SPAST: variants seen among roughly 807,000 people sequenced by gnomAD.
The protein encoded by SPAST is spastin, also known as spastic paraplegia 4 (autosomal dominant; spastin).
SPAST carries 30 observed loss-of-function variants against 76.6 expected under a neutral mutation model. The observed-to-expected ratio is 0.39, with a 90% CI of 0.29 to 0.53. The LOEUF (loss-of-function observed/expected upper bound fraction) is 0.53, where lower values mean the gene tolerates loss of function less well. Ranked by LOEUF, SPAST falls within the 20% of genes least tolerant of loss-of-function variation. The pLI is 0.68. For missense variants in SPAST, 717 were observed against 770.5 expected (o/e 0.93, Z 0.82); for synonymous variants, 305 against 281.0 (o/e 1.09, Z -0.86).
Position 32,148,680 on chromosome 2 carries a change from G to A in SPAST, c.1728+1422G>A, listed in dbSNP as rs901866331. Among the ~76,000 whole-genome samples, 40 of 152,126 alleles carry A rather than the reference G, an allele frequency of 2.6e-4. No homozygotes were observed. In the East Asian group the frequency reaches 6.2e-3, roughly 24 times the overall value. ...AAAAAAATTACCGGGGCGTGGTGGCGGGCACCTGTAGTCCCAGCTACTTGG... is the reference window on the plus strand; with the variant it reads ...AAAAAAATTACCGGGGCGTGGTGGCAGGCACCTGTAGTCCCAGCTACTTGG... On this transcript the variant is annotated intron_variant, in intron 16 of 16. Transcript: ENST00000315285.
chr2:32,100,180 T>C (rs1231300004), intron 4 of SPAST, among the ~76,000 whole-genome samples: 1 of 152,144 alleles, frequency 6.6e-6, no homozygotes, highest in Admixed American at 6.6e-5. Context: ...TTGGTACTTT[T>C]TTTGTCTTTT....
intron 1 of SPAST, among the ~76,000 whole-genome samples, chr2:32,086,846 A>C (rs1024735177): frequency 6.6e-6 from 1 of 152,220 alleles, no homozygotes; most frequent in African/African-American, 2.4e-5. Flanking sequence ...ATTAATTTTC[A>C]AATATGTGAT....
intron 4 of SPAST, among the ~76,000 whole-genome samples, chr2:32,108,683 T>C (rs1467630806): frequency 6.8e-6 from 1 of 147,758 alleles, no homozygotes; most frequent in Admixed American, 6.7e-5. Flanking sequence ...ACTCCTGGGC[T>C]CAATCATTTC....
At chr2:32,075,940 G>C (rs1229001432) in intron 1 of SPAST, among the ~76,000 whole-genome samples, 1 of 117,368 alleles carries the variant, frequency 8.5e-6, no homozygotes, top group Admixed American at 1.1e-4. Flanking sequence ...TCGCTCTGTC[G>C]CCCAGGCTGA....
intron 3 of SPAST, among the ~76,000 whole-genome samples, chr2:32,091,983 C>T (rs943473559): frequency 2.0e-4 from 30 of 152,074 alleles, no homozygotes; most frequent in Middle Eastern, 3.4e-3. Context: ...GAACCTAAAC[C>T]ATAGTAGTAA....
chr2:32,063,923 C>T lies in SPAST; in HGVS notation c.92C>T (p.Pro31Leu). The T allele has an allele frequency of 6.3e-7, 1 of 1,591,650 alleles. No homozygotes were observed. Among genetic ancestry groups the T allele is most frequent in the Admixed American group, 1.8e-5 (1 of 56,968 alleles). ...AGGCCTCCGCCCCCTTGCCTGGCCC[C>T]CGCCCCTCCCGCCGCCGGGCCGGCC... is the stretch of plus-strand genomic sequence containing the variant. ...PPRPPPPCLA[P>L]APPAAGPAPP... Residue 31 changes from proline to leucine, a missense_variant, in exon 1 of 17, where the codon CCC (proline) becomes CTC (leucine). Physicochemically the swap from Pro to Leu is moderately conservative, Grantham distance 98 (BLOSUM62 -3). This residue lies in a region of SPAST where 543 missense variants were observed against 445.2 expected (regional missense o/e 1.22). Transcript: ENST00000315285.
intron 16 of SPAST, among the ~76,000 whole-genome samples, chr2:32,149,638 T>C (rs1223692050): frequency 1.3e-5 from 2 of 152,190 alleles, no homozygotes; most frequent in Non-Finnish European, 2.9e-5. Context: ...GTGTTGAACA[T>C]GTACAGACTT....
intron 4 of SPAST, among the ~76,000 whole-genome samples, chr2:32,107,691 C>G (rs1197863176): frequency 1.3e-5 from 2 of 152,094 alleles, no homozygotes; most frequent in African/African-American, 4.8e-5. Context: ...AATGTAAAAA[C>G]CCTAAGCAGT....
chr2:32,143,565 TC>T (rs1328279959), intron 14 of SPAST, 150 bp downstream of exon 14: 3 of 633,130 alleles, frequency 4.7e-6, no homozygotes, highest in Non-Finnish European at 8.5e-6. Flanking sequence ...TTTGCCTTTT[TC>T]TTACCTCTTG....
At position 32,145,020 on chromosome 2, in the gene SPAST, G is replaced by A. The variant is rs1435525352; in HGVS notation, c.1687+13G>A. ...GGTCCTATCCGAGGTAGGTATACAA[G>A]AGCTTAAAACATTTAGAACTATTTA... On this transcript the variant is annotated intron_variant, in intron 15 of 16. Transcript: ENST00000315285. 6.3e-7 allele frequency: 1 copy of A among 1,596,320 alleles called. No individual in the cohort carries two copies. The highest frequency in any genetic ancestry group is 8.6e-7 in the Non-Finnish European group (1 of 1,165,094).
intron 11 of SPAST, 52 bp from the exon 12 acceptor site, chr2:32,137,057 A>T: frequency 6.4e-7 from 1 of 1,558,060 alleles, no homozygotes; most frequent in Non-Finnish European, 8.8e-7. Context: ...AAATATCTTT[A>T]TATTTGTTAT....
intron 7 of SPAST, among the ~76,000 whole-genome samples, chr2:32,117,177 C>T (rs987510377): frequency 9.2e-5 from 14 of 151,938 alleles, no homozygotes; most frequent in African/African-American, 3.1e-4. Context: ...CGCTTGAACC[C>T]GGGAGGCGGA....
At chr2:32,126,094 C>T (rs148498814) in intron 7 of SPAST, among the ~76,000 whole-genome samples, 7 of 152,280 alleles carry the variant, frequency 4.6e-5, no homozygotes, top group South Asian at 2.1e-4. Context: ...TGTAAGCCAC[C>T]GTGCCCGGCC....
intron 1 of SPAST, among the ~76,000 whole-genome samples, chr2:32,064,752 C>T (rs530390509): frequency 6.6e-6 from 1 of 152,308 alleles, no homozygotes; most frequent in Non-Finnish European, 1.5e-5. Flanking sequence ...GTTGAATTTG[C>T]ATCATTTTAA....
At position 32,149,972 on chromosome 2, in the gene SPAST, AGTTT is replaced by A. The variant is rs371485781; in HGVS notation, c.1728+2723_1728+2726del. 7.0e-4 allele frequency among the ~76,000 whole-genome samples: 103 copies of A among 147,090 alleles called. No individual in the cohort carries two copies. The South Asian group carries it at 9.0e-3, about 13-fold the overall frequency. ...ACAAGTGTATTCAAGTACATTTTGGAGTTTGTTTGTTTTTTTTTTTCAGGCTTTT... is the reference window on the plus strand; with the variant it reads ...ACAAGTGTATTCAAGTACATTTTGGAGTTTGTTTTTTTTTTTCAGGCTTTT... On this transcript the variant is annotated intron_variant, in intron 16 of 16. Coordinates refer to ENST00000315285, the MANE Select transcript of SPAST (RefSeq NM_014946.4).
rs1445044774 is a variant in SPAST, at chr2:32,087,476, AT to A, written c.416-10del. On this transcript the variant is annotated splice_polypyrimidine_tract_variant and intron_variant, in intron 1 of 16. Coordinates refer to ENST00000315285, the MANE Select transcript of SPAST (RefSeq NM_014946.4). ...ACTCTTCATACGATCTATACAAATA[AT>A]TTTTTATTTTAAAGCAGGACAGAAG... The A allele has an allele frequency of 6.6e-6, 10 of 1,521,164 alleles. No homozygotes were observed. Among genetic ancestry groups the A allele is most frequent in the Non-Finnish European group, 7.3e-6 (8 of 1,098,024 alleles). The allele number at this position is 1,521,164 out of a possible 1,614,324, so 94.2% of individuals were successfully genotyped here.
intron 4 of SPAST, among the ~76,000 whole-genome samples, chr2:32,108,319 G>C (rs1458677976): frequency 6.6e-6 from 1 of 152,094 alleles, no homozygotes; most frequent in Non-Finnish European, 1.5e-5. Context: ...TTTGAATGCA[G>C]GTCTGTAGAA....
intron 4 of SPAST, among the ~76,000 whole-genome samples, chr2:32,113,836 G>C (rs565696596): frequency 2.8e-4 from 42 of 152,004 alleles, no homozygotes; most frequent in Non-Finnish European, 4.1e-4. Context: ...CAAAGTGCTG[G>C]GATTACAGGT....
At chr2:32,129,806 C>T (rs1679311223) in intron 9 of SPAST, 1 of 152,302 alleles carries the variant, frequency 6.6e-6, no homozygotes, top group Non-Finnish European at 1.5e-5. Context: ...GGAGACCAGC[C>T]TAGGCAACAT....
Sources: gnomAD v4.1 joint callset for allele counts (sites outside exome capture counted in the v4.1 genomes callset) on GRCh38, gnomAD v4.1.1 for gene constraint, gnomAD v4.1.1 regional missense constraint, MANE v1.5 for transcripts, NCBI Gene and HGNC (gene_info 2026-07-23, HGNC 2026-07-21) for gene names.